The following DOCK1 variants were observed in gnomAD, a reference collection of about 807,000 sequenced individuals.
The protein encoded by DOCK1 is dedicator of cytokinesis protein 1.
A neutral mutation model predicts 262.7 loss-of-function variants in DOCK1; 138 were observed. That is an observed-to-expected ratio of 0.53 (90% CI 0.46 to 0.61). The LOEUF (loss-of-function observed/expected upper bound fraction) is 0.61. Among genes scored for constraint, DOCK1 ranks in the 20% least tolerant of loss-of-function variants. The pLI is 0.00. For missense variants in DOCK1, 1,908 were observed against 2,370.7 expected, an observed-to-expected ratio of 0.80 and a Z score of 4.05; for synonymous variants, 866 against 867.4, an observed-to-expected ratio of 1.00 and a Z score of 0.03.
At chr10:127,320,928 CTG>C (rs1428836185) in intron 29 of DOCK1, among the ~76,000 whole-genome samples, 1 of 152,064 alleles carries the variant, frequency 6.6e-6, no homozygotes, top group African/African-American at 2.4e-5. Flanking sequence ...GTGGACACCT[CTG>C]TTTTGTCCTT....
rs115458403 is a variant in DOCK1, at chr10:127,296,572, G to A, written c.3044+39143G>A. 3.2e-3 allele frequency among the ~76,000 whole-genome samples: 489 copies of A among 152,348 alleles called. 1 individual carries two copies. The highest frequency in any genetic ancestry group is 0.01 in the Middle Eastern group (3 of 294). ...GCCGTCGAGGCTCTGTCTACACCAGGCAAAGAATCTTCCAGATTCCTGCTC... is the reference window on the plus strand; with the variant it reads ...GCCGTCGAGGCTCTGTCTACACCAGACAAAGAATCTTCCAGATTCCTGCTC... On this transcript the variant is annotated intron_variant, in intron 29 of 51. Coordinates refer to ENST00000623213, the MANE Select transcript of DOCK1 (RefSeq NM_001290223.2).
chr10:127,168,995 T>G (rs1441850539), intron 27 of DOCK1, among the ~76,000 whole-genome samples: 1 of 152,198 alleles, frequency 6.6e-6, no homozygotes, highest in African/African-American at 2.4e-5. Context: ...GAGTGATTTG[T>G]CAATATGAGG....
chr10:126,988,691 G>A (rs977895865), intron 5 of DOCK1, among the ~76,000 whole-genome samples: 11 of 152,138 alleles, frequency 7.2e-5, no homozygotes, highest in African/African-American at 2.4e-4. Flanking sequence ...GAGCACCTTG[G>A]TTTCCTTTTA....
intron 1 of DOCK1, among the ~76,000 whole-genome samples, chr10:126,949,369 G>C (rs1023666189): frequency 6.6e-6 from 1 of 152,090 alleles, no homozygotes; most frequent in African/African-American, 2.4e-5. Context: ...TGCAACCCAG[G>C]CAGGATTTCG....
chr10:127,052,537 A>G (rs2044805831), intron 21 of DOCK1, 144 bp from the exon 22 acceptor site: 1 of 1,270,596 alleles, frequency 7.9e-7, no homozygotes, highest in East Asian at 2.4e-5. Flanking sequence ...AAAAAAAAAA[A>G]AAAGAGAAAA....
intron 27 of DOCK1, among the ~76,000 whole-genome samples, chr10:127,207,867 C>A (rs1038778859): frequency 3.3e-5 from 5 of 152,068 alleles, no homozygotes; most frequent in Admixed American, 6.5e-5. Flanking sequence ...GTTTTATGAC[C>A]CCTGGCTTAT....
rs372547717 is a variant in DOCK1 at position 127,262,213 on chromosome 10, C to CATAT, written c.3044+4784_3044+4785insATAT. ...GTACCCGTGCTCATCTGTGTGTGTG[C>CATAT]GTGTGTGTGTGTGTGTACCCGTGCT... On this transcript the variant is annotated intron_variant, in intron 29 of 51. Transcript: ENST00000623213. 6.0e-3 allele frequency among the ~76,000 whole-genome samples: 754 copies of CATAT among 126,540 alleles called. 22 individuals carry two copies. The highest frequency in any genetic ancestry group is 0.019 in the African/African-American group (624 of 32,924). The allele number at this position is 126,540 out of a possible 152,430, so 83.0% of individuals were successfully genotyped here.
intron 42 of DOCK1, among the ~76,000 whole-genome samples, chr10:127,410,313 G>A (rs1384581698): frequency 6.6e-6 from 1 of 152,138 alleles, no homozygotes; most frequent in Non-Finnish European, 1.5e-5. Flanking sequence ...TTCTTTTGCT[G>A]TGGAAGCCTG....
At chr10:126,984,825 A>G (rs1410308460) in intron 4 of DOCK1, among the ~76,000 whole-genome samples, 2 of 152,108 alleles carry the variant, frequency 1.3e-5, no homozygotes, top group African/African-American at 4.8e-5. Context: ...AACACTTAAA[A>G]TCTACTCTCA....
At chr10:126,930,751 C>G in intron 1 of DOCK1, among the ~76,000 whole-genome samples, 1 of 152,336 alleles carries the variant, frequency 6.6e-6, no homozygotes, top group Non-Finnish European at 1.5e-5. Flanking sequence ...ACAAAGCTGC[C>G]TGTGCTGCCC....
At chr10:127,069,770 A>G (rs1354155349) in intron 23 of DOCK1, among the ~76,000 whole-genome samples, 2 of 152,228 alleles carry the variant, frequency 1.3e-5, no homozygotes, top group African/African-American at 4.8e-5. Context: ...AATCAGCAAC[A>G]GGCCAGGCCT....
chr10:127,182,612 A>G (rs1465609020), intron 27 of DOCK1, among the ~76,000 whole-genome samples: 2 of 152,212 alleles, frequency 1.3e-5, no homozygotes, highest in Non-Finnish European at 2.9e-5. Context: ...ACTGGAAAAT[A>G]TGCCTCCTTG....
At chr10:126,994,388 T>G (rs1301986434) in intron 6 of DOCK1, among the ~76,000 whole-genome samples, 1 of 152,164 alleles carries the variant, frequency 6.6e-6, no homozygotes, top group African/African-American at 2.4e-5. Context: ...GGCAGGGTCA[T>G]AGGACAATAG....
At chr10:127,087,931 T>G (rs2047292243) in intron 23 of DOCK1, among the ~76,000 whole-genome samples, 2 of 152,204 alleles carry the variant, frequency 1.3e-5, no homozygotes, top group Admixed American at 1.3e-4. Context: ...CTGAATTATT[T>G]AATTCTCTCT....
At chr10:127,380,060 G>A in intron 35 of DOCK1, 22 bp from the exon 36 acceptor site, 2 of 1,449,242 alleles carry the variant, frequency 1.4e-6, no homozygotes, top group Non-Finnish European at 1.9e-6. Context: ...TCTTAAAACA[G>A]TATTATGGTT....
chr10:127,374,324 C>T, intron 35 of DOCK1, 110 bp downstream of exon 35: 1 of 1,337,780 alleles, frequency 7.5e-7, no homozygotes, highest in Non-Finnish European at 9.9e-7. Flanking sequence ...CTTTCCACCG[C>T]AGAACAATCT....
intron 13 of DOCK1, chr10:127,019,102 G>T: frequency 2.1e-6 from 1 of 468,794 alleles, no homozygotes. Flanking sequence ...CCCAGCAAAT[G>T]TCTGGGTAGA....
At chr10:127,222,183 A>G (rs1370715513) in intron 27 of DOCK1, among the ~76,000 whole-genome samples, 1 of 152,234 alleles carries the variant, frequency 6.6e-6, no homozygotes, top group Non-Finnish European at 1.5e-5. Context: ...AGCTGCCAGC[A>G]GCAGTGCAGG....
intron 32 of DOCK1, among the ~76,000 whole-genome samples, chr10:127,361,034 G>T (rs1489070856): frequency 6.7e-6 from 1 of 150,076 alleles, no homozygotes; most frequent in Non-Finnish European, 1.5e-5. Context: ...AAACTTTTGA[G>T]AAACATTTTT....
Sources: allele counts gnomAD v4.1 joint callset (sites outside exome capture counted in the v4.1 genomes callset), GRCh38; gene constraint gnomAD v4.1.1; transcripts MANE v1.5; gene names NCBI Gene and HGNC (gene_info 2026-07-23, HGNC 2026-07-21).